The following RABGAP1L variants were observed in gnomAD, a reference collection of about 807,000 sequenced individuals.
RABGAP1L encodes the protein RAB GTPase activating protein 1 like, also known as rab GTPase-activating protein 1-like.
In RABGAP1L, 63 loss-of-function variants were observed where a neutral mutation model predicts 137.7. The ratio of observed to expected loss-of-function variants is 0.46; its 90% CI spans 0.37 to 0.56. RABGAP1L has a LOEUF of 0.56. Among genes scored for constraint, RABGAP1L ranks in the 20% least tolerant of loss-of-function variants. RABGAP1L has a pLI of 0.00. For missense variants in RABGAP1L, 1,095 were observed against 1,244.0 expected (o/e 0.88, Z 1.80); for synonymous variants, 431 against 433.7 (o/e 0.99, Z 0.08).
chr1:174,571,709 G>T (rs1667990157), intron 13 of RABGAP1L, among the ~76,000 whole-genome samples: 1 of 152,084 alleles, frequency 6.6e-6, no homozygotes, highest in Non-Finnish European at 1.5e-5. Flanking sequence ...CTTCAGACAA[G>T]AGCTTCTTAT....
chr1:174,635,582 A>T (rs777524923), intron 13 of RABGAP1L, among the ~76,000 whole-genome samples: 14 of 152,144 alleles, frequency 9.2e-5, no homozygotes, highest in Non-Finnish European at 2.1e-4. Context: ...AACTACATTT[A>T]CCTTGGCAAA....
At chr1:174,414,269 A>G (rs1334731564) in intron 13 of RABGAP1L, among the ~76,000 whole-genome samples, 2 of 152,116 alleles carry the variant, frequency 1.3e-5, no homozygotes, top group African/African-American at 4.8e-5. Flanking sequence ...AAATCCACAT[A>G]TAATTGGACC....
intron 10 of RABGAP1L, among the ~76,000 whole-genome samples, chr1:174,294,358 A>T (rs1676904566): frequency 6.6e-6 from 1 of 152,190 alleles, no homozygotes; most frequent in Non-Finnish European, 1.5e-5. Context: ...GACAAAGCAA[A>T]GAAGGGGATT....
In RABGAP1L at chr1:174,284,880, G is replaced by A. The variant is rs1226017548; in HGVS notation, c.1323+6101G>A. On this transcript the variant is annotated intron_variant, in intron 10 of 25. Transcript: ENST00000681986. ...TTGTGAAAAATGCCATTGGGATTTC[G>A]ATAGGGATCACATTGAATCTATAGA... 1.1e-4 allele frequency among the ~76,000 whole-genome samples: 17 copies of A among 151,058 alleles called. 1 individual carries two copies. Among genetic ancestry groups the A allele is most frequent in the Admixed American group, 1.1e-3 (17 of 15,136 alleles).
At position 174,904,150 on chromosome 1, in the gene RABGAP1L, C is replaced by G. The variant is rs185204305; in HGVS notation, c.2341-53307C>G. Among the ~76,000 whole-genome samples, 25 of 152,160 alleles carry G rather than the reference C, an allele frequency of 1.6e-4. No homozygotes were observed. The East Asian group carries it at 4.8e-3, about 29-fold the overall frequency. On this transcript the variant is annotated intron_variant, in intron 19 of 25. Transcript: ENST00000681986. Reference sequence around the variant, plus strand: ...ATATCCAAGGTTCTGCTCTCTCCCCCATTCTGCCTGGCAATAAGCTTGAGG... The same window carrying G: ...ATATCCAAGGTTCTGCTCTCTCCCCGATTCTGCCTGGCAATAAGCTTGAGG...
chr1:174,347,870 C>A (rs1682596166), intron 11 of RABGAP1L, among the ~76,000 whole-genome samples: 1 of 151,998 alleles, frequency 6.6e-6, no homozygotes, highest in African/African-American at 2.4e-5. Flanking sequence ...CTTTTCTATC[C>A]CTTTATTTTC....
At chr1:174,791,750 A>G (rs1272371125) in intron 18 of RABGAP1L, among the ~76,000 whole-genome samples, 1 of 152,214 alleles carries the variant, frequency 6.6e-6, no homozygotes, top group African/African-American at 2.4e-5. Flanking sequence ...CAGCTCTTAC[A>G]GAGACGCTGT....
chr1:174,339,591 G>A (rs1204676290), intron 11 of RABGAP1L, among the ~76,000 whole-genome samples: 1 of 151,582 alleles, frequency 6.6e-6, no homozygotes, highest in Non-Finnish European at 1.5e-5. Flanking sequence ...TGTTAATACT[G>A]TTTGAAGGCA....
rs3084003 is a variant in RABGAP1L, at chr1:174,707,218, C to CTGTTTTGTTTTGTTTTGTTT, written c.2169+4979_2169+4998dup. 2.7e-3 allele frequency among the ~76,000 whole-genome samples: 403 copies of CTGTTTTGTTTTGTTTTGTTT among 150,506 alleles called. 3 individuals are homozygous for CTGTTTTGTTTTGTTTTGTTT. The highest frequency in any genetic ancestry group is 3.7e-3 in the Non-Finnish European group (249 of 67,682). On this transcript the variant is annotated intron_variant, in intron 17 of 25. Coordinates refer to ENST00000681986, the MANE Select transcript of RABGAP1L (RefSeq NM_001366446.1). ...TTGTGATCAAGGGCAAGGTTTTGTT[C>CTGTTTTGTTTTGTTTTGTTT]TGTTTTGTTTTGTTTTGTTTTGTTT...
At chr1:174,403,331 TGGTGGCTCTTCACA>T (rs1311143006) in intron 13 of RABGAP1L, among the ~76,000 whole-genome samples, 2 of 150,728 alleles carry the variant, frequency 1.3e-5, no homozygotes, top group East Asian at 3.9e-4. Context: ...CAAACTGGAG[TGGTGGCTCTTCACA>T]GGTGTGATCA....
At chr1:174,509,862 T>G (rs1304856930) in intron 13 of RABGAP1L, among the ~76,000 whole-genome samples, 1 of 152,190 alleles carries the variant, frequency 6.6e-6, no homozygotes, top group Non-Finnish European at 1.5e-5. Flanking sequence ...ACTTGCCGCA[T>G]TTTACACATC....
intron 17 of RABGAP1L, among the ~76,000 whole-genome samples, chr1:174,749,175 CAA>C (rs199615357): frequency 0.075 from 8,890 of 118,794 alleles, 845 homozygotes; most frequent in African/African-American, 0.23. Flanking sequence ...GACTCTGTCT[CAA>C]AAAAAAAAAA....
intron 17 of RABGAP1L, among the ~76,000 whole-genome samples, chr1:174,749,502 T>A (rs999759719): frequency 6.6e-6 from 1 of 151,976 alleles, no homozygotes; most frequent in African/African-American, 2.4e-5. Context: ...GCTAATTTTT[T>A]TTTTACTTTC....
At chr1:174,444,365 T>C (rs191330528) in intron 13 of RABGAP1L, among the ~76,000 whole-genome samples, 133 of 152,228 alleles carry the variant, frequency 8.7e-4, no homozygotes, top group Non-Finnish European at 1.3e-3. Context: ...GATTTTTGCA[T>C]CTATGTTTCT....
rs1409118830 is a variant in RABGAP1L at position 174,931,984 on chromosome 1, TTTTTGG to T, written c.2341-25468_2341-25463del. Among the ~76,000 whole-genome samples the T allele has an allele frequency of 3.3e-3, 450 of 135,930 alleles. 2 individuals are homozygous for T. The highest frequency in any genetic ancestry group is 5.1e-3 in the Non-Finnish European group (324 of 63,366). The allele number at this position is 135,930 out of a possible 152,430, so 89.2% of individuals were successfully genotyped here. On this transcript the variant is annotated intron_variant, in intron 19 of 25. Coordinates refer to ENST00000681986, the MANE Select transcript of RABGAP1L (RefSeq NM_001366446.1). ...AATTATAAAATTTCTTTAGACTGCTTTTTTGGTTTTTTTTTTTTTTTTTTTTTTTTG... is the reference window on the plus strand; with the variant it reads ...AATTATAAAATTTCTTTAGACTGCTTTTTTTTTTTTTTTTTTTTTTTTTTG...
chr1:174,696,761 A>G (rs188235912), intron 15 of RABGAP1L, among the ~76,000 whole-genome samples: 1 of 152,334 alleles, frequency 6.6e-6, no homozygotes, highest in Admixed American at 6.5e-5. Context: ...GGTGTGGTGT[A>G]GACGATGTAA....
intron 11 of RABGAP1L, among the ~76,000 whole-genome samples, chr1:174,308,545 G>C (rs1233463339): frequency 6.6e-6 from 1 of 151,902 alleles, no homozygotes; most frequent in African/African-American, 2.4e-5. Context: ...TTTATGTATG[G>C]TGGTGTGAGA....
chr1:174,572,830 AAGTT>A (rs1668084202), intron 13 of RABGAP1L, among the ~76,000 whole-genome samples: 1 of 152,222 alleles, frequency 6.6e-6, no homozygotes, highest in African/African-American at 2.4e-5. Context: ...GCAGAAAAGT[AAGTT>A]AAAGATCTTA....
chr1:174,428,800 A>G (rs931893925), intron 13 of RABGAP1L, among the ~76,000 whole-genome samples: 3 of 152,228 alleles, frequency 2.0e-5, no homozygotes, highest in Admixed American at 2.0e-4. Context: ...ACATGGAGAT[A>G]TACAATTAAA....
Sources: gnomAD v4.1 joint callset for allele counts (sites outside exome capture counted in the v4.1 genomes callset) on GRCh38, gnomAD v4.1.1 for gene constraint, MANE v1.5 for transcripts, NCBI Gene and HGNC (gene_info 2026-07-23, HGNC 2026-07-21) for gene names.